Variants in COL5A2 observed in about 807,000 individuals in gnomAD.
COL5A2 encodes the protein collagen alpha-2(V) chain.
A neutral mutation model predicts 208.2 loss-of-function variants in COL5A2; 23 were observed. The observed-to-expected ratio is 0.11, with a 90% confidence interval of 0.08 to 0.16. The LOEUF (loss-of-function observed/expected upper bound fraction) is 0.16. COL5A2 is among the 10% of genes least tolerant of loss of function. The probability of loss-of-function intolerance (pLI) is 1.00; values close to 1 mark genes in which losing one functional copy is unlikely to be tolerated. For missense variants in COL5A2, 1,590 were observed against 1,956.4 expected (o/e 0.81, Z 3.53); for synonymous variants, 625 against 628.5 (o/e 0.99, Z 0.08).
At chr2:189,232,212 C>G in the COL5A2 span, among the ~76,000 whole-genome samples, 1 of 151,722 alleles carries the variant, frequency 6.6e-6, no homozygotes, top group Non-Finnish European at 1.5e-5. Flanking sequence ...AATTTTTGTG[C>G]AAACTAGAGA....
chr2:189,270,829 T>C, the COL5A2 span, among the ~76,000 whole-genome samples: 3 of 152,064 alleles, frequency 2.0e-5, no homozygotes, highest in Non-Finnish European at 4.4e-5. Flanking sequence ...AAAATCAATG[T>C]GAAAAAATCA....
the COL5A2 span, among the ~76,000 whole-genome samples, chr2:189,352,639 G>A: frequency 7.3e-3 from 1,108 of 152,066 alleles, 16 homozygotes; most frequent in African/African-American, 0.025. Flanking sequence ...ACTTTTTGAC[G>A]GGGTTGCTTT....
At chr2:189,050,757 C>A (rs1685768580) in intron 42 of COL5A2, 81 bp from the exon 43 acceptor site, 2 of 1,184,568 alleles carry the variant, frequency 1.7e-6, no homozygotes, top group South Asian at 1.3e-5. Context: ...TTGGGTACAG[C>A]TTTACAGGTT....
chr2:189,373,564 A>T, the COL5A2 span, among the ~76,000 whole-genome samples: 1 of 152,174 alleles, frequency 6.6e-6, no homozygotes, highest in African/African-American at 2.4e-5. Context: ...TTTGTCTTAT[A>T]GGTTCCTACT....
At chr2:189,429,210 G>A in the COL5A2 span, among the ~76,000 whole-genome samples, 1 of 152,196 alleles carries the variant, frequency 6.6e-6, no homozygotes, top group African/African-American at 2.4e-5. Flanking sequence ...AAGTCATCGT[G>A]TTGTACATAA....
chr2:189,391,968 T>C, the COL5A2 span, among the ~76,000 whole-genome samples: 1 of 152,174 alleles, frequency 6.6e-6, no homozygotes, highest in African/African-American at 2.4e-5. Flanking sequence ...CTAGTCTATA[T>C]AAGTTATTAA....
chr2:189,346,507 C>T, the COL5A2 span, among the ~76,000 whole-genome samples: 5 of 151,666 alleles, frequency 3.3e-5, no homozygotes, highest in Admixed American at 1.3e-4. Flanking sequence ...TGCTAAAAGC[C>T]CAAATCAAAA....
chr2:189,085,087 G>T, intron 11 of COL5A2, 73 bp downstream of exon 11: 1 of 1,209,094 alleles, frequency 8.3e-7, no homozygotes, highest in Non-Finnish European at 1.2e-6. Context: ...AATTAATACA[G>T]AACATTCTTG....
intron 1 of COL5A2, among the ~76,000 whole-genome samples, chr2:189,121,126 T>C (rs966046940): frequency 6.6e-6 from 1 of 152,132 alleles, no homozygotes. Flanking sequence ...GAAGGGCATA[T>C]CATCTAGGCT....
intron 1 of COL5A2, among the ~76,000 whole-genome samples, chr2:189,143,245 C>T (rs957447662): frequency 2.0e-5 from 3 of 152,164 alleles, no homozygotes; most frequent in Non-Finnish European, 4.4e-5. Context: ...CCTTGTCATA[C>T]TATGAACCCT....
chr2:189,235,349 T>C, the COL5A2 span, among the ~76,000 whole-genome samples: 1 of 151,842 alleles, frequency 6.6e-6, no homozygotes, highest in African/African-American at 2.4e-5. Flanking sequence ...TGCAAGAGTC[T>C]TCATTATTTT....
intron 18 of COL5A2, 51 bp from the exon 19 acceptor site, chr2:189,068,935 A>T (rs1363340344): frequency 7.9e-7 from 1 of 1,268,286 alleles, no homozygotes. Context: ...CGAGAGTGGC[A>T]TTGTACAAAG....
Position 189,216,757 on chromosome 2 carries a change from G to A in COL5A2, c.-42+8391C>T, listed in dbSNP as rs1576588616. ...TTCTCAGTCTCCATTTCTTCAAAAA[G>A]GAAAAGTAGTAACTAAATAAGTTTA... On this transcript the variant is annotated intron_variant, in intron 1 of 10. Coordinates refer to the COL5A2 transcript ENST00000649966. Among the ~76,000 whole-genome samples the A allele has an allele frequency of 1.3e-5, 2 of 152,106 alleles. 1 individual carries two copies. Among genetic ancestry groups the A allele is most frequent in the Admixed American group, 1.3e-4 (2 of 15,268 alleles).
At chr2:189,210,404 A>G (rs1689197616) in intron 1 of COL5A2, among the ~76,000 whole-genome samples, 1 of 150,116 alleles carries the variant, frequency 6.7e-6, no homozygotes, top group African/African-American at 2.4e-5. Context: ...TTTTCACTTG[A>G]TTAAAATATT....
the COL5A2 span, among the ~76,000 whole-genome samples, chr2:189,308,140 G>A: frequency 1.3e-5 from 2 of 151,680 alleles, no homozygotes; most frequent in African/African-American, 4.9e-5. Flanking sequence ...TGTGGGTGTA[G>A]GGATGTGTTT....
chr2:189,052,036 C>A, intron 41 of COL5A2, 136 bp downstream of exon 41: 1 of 655,706 alleles, frequency 1.5e-6, no homozygotes, highest in South Asian at 2.4e-5. Flanking sequence ...TACCAGCATG[C>A]ATTATTGGAA....
chr2:189,291,656 A>G, the COL5A2 span, among the ~76,000 whole-genome samples: 2 of 152,266 alleles, frequency 1.3e-5, no homozygotes, highest in Non-Finnish European at 2.9e-5. Flanking sequence ...TATAAACCAC[A>G]TTTGGAAATT....
intron 23 of COL5A2, among the ~76,000 whole-genome samples, chr2:189,065,397 G>T (rs548511538): frequency 5.1e-4 from 77 of 152,182 alleles, no homozygotes; most frequent in Non-Finnish European, 8.7e-4. Flanking sequence ...GGGTATAGTG[G>T]CAAGTGCCTG....
chr2:189,238,348 G>GT, the COL5A2 span, among the ~76,000 whole-genome samples: 1 of 151,964 alleles, frequency 6.6e-6, no homozygotes, highest in South Asian at 2.1e-4. Flanking sequence ...TCAAAGACCT[G>GT]ATCTTTCCTG....
Sources: gnomAD v4.1 joint callset for allele counts (sites outside exome capture counted in the v4.1 genomes callset) on GRCh38, gnomAD v4.1.1 for gene constraint, MANE v1.5 for transcripts, NCBI Gene and HGNC (gene_info 2026-07-23, HGNC 2026-07-21) for gene names.